The following GNG7 variants were observed in gnomAD, a reference collection of about 807,000 sequenced individuals.
GNG7 encodes the protein guanine nucleotide-binding protein G(I)/G(S)/G(O) subunit gamma-7.
A neutral mutation model predicts 4.0 loss-of-function variants in GNG7; 1 was observed. The observed-to-expected ratio is 0.25, with a 90% confidence interval of 0.09 to 1.18. The LOEUF is 1.18. Ranked by LOEUF, GNG7 falls within the 50% of genes most tolerant of loss-of-function variation. The probability of loss-of-function intolerance (pLI) is 0.50; values close to 1 mark genes in which losing one functional copy is unlikely to be tolerated. For synonymous variants in GNG7, 34 were observed against 36.9 expected, an observed-to-expected ratio of 0.92 and a Z score of 0.29; for missense variants, 86 against 91.9, an observed-to-expected ratio of 0.94 and a Z score of 0.26.
intron 1 of GNG7, among the ~76,000 whole-genome samples, chr19:2,654,161 C>T (rs1982901849): frequency 6.6e-6 from 1 of 152,060 alleles, no homozygotes; most frequent in South Asian, 2.1e-4. Context: ...GGGGCGGGGC[C>T]GGCTGGGGAG....
At chr19:2,544,158 A>C (rs986236956) in intron 3 of GNG7, among the ~76,000 whole-genome samples, 5 of 152,194 alleles carry the variant, frequency 3.3e-5, no homozygotes. Flanking sequence ...GTTCAGAGAC[A>C]AGAGAGACAG....
intron 2 of GNG7, among the ~76,000 whole-genome samples, chr19:2,601,931 GGAGGGGAGGAGAGGA>G (rs916890385): frequency 6.6e-5 from 10 of 152,032 alleles, no homozygotes; most frequent in South Asian, 2.1e-4. Flanking sequence ...ACAGGGGAGG[GGAGGGGAGGAGAGGA>G]GAGGGGAGGA....
chr19:2,641,480 G>C (rs1449039555), intron 2 of GNG7, among the ~76,000 whole-genome samples: 1 of 152,162 alleles, frequency 6.6e-6, no homozygotes, highest in East Asian at 1.9e-4. Flanking sequence ...GAGACTGGAA[G>C]AGGCTTCACT....
chr19:2,608,565 G>C (rs1473109331), intron 2 of GNG7, among the ~76,000 whole-genome samples: 3 of 152,208 alleles, frequency 2.0e-5, no homozygotes, highest in Non-Finnish European at 2.9e-5. Context: ...GCAGAGTCAC[G>C]AGACCAGCAA....
At chr19:2,684,046 C>T (rs1599461017) in intron 1 of GNG7, among the ~76,000 whole-genome samples, 1 of 151,680 alleles carries the variant, frequency 6.6e-6, no homozygotes, top group Non-Finnish European at 1.5e-5. Flanking sequence ...TGGGGCCGGG[C>T]GCGGTGGCTC....
Position 2,643,506 on chromosome 19 carries a change from C to T in GNG7, c.-78+2718G>A, listed in dbSNP as rs1982576111. On this transcript the variant is annotated intron_variant, in intron 2 of 4. Transcript: ENST00000382159. ...CGGAAATGCAAAGTCTGAGCCTCTC[C>T]GGGCTCTGCACACCTTCCGGCCCTG... 5 of 405,510 alleles carry T rather than the reference C, an allele frequency of 1.2e-5. No homozygotes were observed. In the Admixed American group the frequency reaches 1.6e-4, roughly 13 times the overall value. The allele number at this position is 405,510 out of a possible 1,614,324, so 25.1% of individuals were successfully genotyped here.
At chr19:2,659,154 A>T (rs1390891271) in intron 1 of GNG7, among the ~76,000 whole-genome samples, 1 of 151,892 alleles carries the variant, frequency 6.6e-6, no homozygotes, top group Non-Finnish European at 1.5e-5. Flanking sequence ...TATTTTTAGT[A>T]GAGACGAGGT....
chr19:2,686,318 T>C (rs1241508593), intron 1 of GNG7, among the ~76,000 whole-genome samples: 2 of 151,680 alleles, frequency 1.3e-5, no homozygotes, highest in South Asian at 2.1e-4. Flanking sequence ...CCACCACGCC[T>C]GGCTAATTCT....
intron 2 of GNG7, among the ~76,000 whole-genome samples, chr19:2,586,232 T>C (rs1243416503): frequency 1.3e-5 from 2 of 152,176 alleles, no homozygotes; most frequent in African/African-American, 4.8e-5. Flanking sequence ...AGCTCCCACC[T>C]TCCACTGCCC....
At chr19:2,559,577 G>T (rs1223964203) in intron 2 of GNG7, among the ~76,000 whole-genome samples, 1 of 151,634 alleles carries the variant, frequency 6.6e-6, no homozygotes, top group Non-Finnish European at 1.5e-5. Context: ...GTACAATGGT[G>T]GATGTCGGCT....
rs1231670391 is a variant in GNG7 at position 2,593,937 on chromosome 19, A to AAAAC, written c.-77-38750_-77-38749insGTTT. Among the ~76,000 whole-genome samples, 66 of 151,764 alleles carry AAAAC rather than the reference A, an allele frequency of 4.3e-4. 2 individuals are homozygous for AAAAC. The highest frequency in any genetic ancestry group is 1.5e-3 in the African/African-American group (63 of 41,398). ...CCGAAATATTTGATGCCAAAAAAAA[A>AAAAC]AAAAAACTTTCTTACCTCATTCACC... On this transcript the variant is annotated intron_variant, in intron 2 of 4. Coordinates refer to ENST00000382159, the MANE Select transcript of GNG7 (RefSeq NM_052847.3).
At position 2,633,656 on chromosome 19, in the gene GNG7, C is replaced by T. The variant is rs893965803; in HGVS notation, c.-78+12568G>A. Among the ~76,000 whole-genome samples the T allele has an allele frequency of 1.4e-4, 21 of 151,926 alleles. No homozygotes were observed. Among genetic ancestry groups the T allele is most frequent in the Admixed American group, 1.2e-3 (19 of 15,254 alleles). ...GGTGGTCGCAATAACAGCTCTGAAA[C>T]GGGGATTCATTGAGAGGACATCGGT... On this transcript the variant is annotated intron_variant, in intron 2 of 4. Coordinates refer to ENST00000382159, the MANE Select transcript of GNG7 (RefSeq NM_052847.3). This position sits in a 1 kb window ranked among gnomAD's most constrained non-coding sequence, Gnocchi z 5.9.
chr19:2,638,857 G>T (rs1335956169), intron 2 of GNG7, among the ~76,000 whole-genome samples: 1 of 152,112 alleles, frequency 6.6e-6, no homozygotes, highest in Non-Finnish European at 1.5e-5. Context: ...CATGCAATCG[G>T]AACAAAATAC....
chr19:2,627,358 G>T (rs1982046475), intron 2 of GNG7, among the ~76,000 whole-genome samples: 1 of 152,132 alleles, frequency 6.6e-6, no homozygotes, highest in Non-Finnish European at 1.5e-5. Context: ...CGGTAAGGGG[G>T]TGAACCCACC....
At chr19:2,556,372 C>G (rs1008446146) in intron 2 of GNG7, among the ~76,000 whole-genome samples, 2 of 152,204 alleles carry the variant, frequency 1.3e-5, no homozygotes, top group Admixed American at 6.5e-5. Context: ...CTGAGCTGCT[C>G]GAGGCCGGGC....
chr19:2,573,382 A>G (rs943005171), intron 2 of GNG7, among the ~76,000 whole-genome samples: 1 of 152,094 alleles, frequency 6.6e-6, no homozygotes, highest in Non-Finnish European at 1.5e-5. Context: ...CTCCCCAGCC[A>G]AGTTTCTGCA....
chr19:2,525,187 GC>G (rs1465455313), intron 3 of GNG7, among the ~76,000 whole-genome samples: 3 of 152,090 alleles, frequency 2.0e-5, no homozygotes, highest in African/African-American at 7.3e-5. Flanking sequence ...TTGCCTCGGG[GC>G]CCGTGGCCCG....
chr19:2,589,555 C>T (rs1980778542), intron 2 of GNG7, among the ~76,000 whole-genome samples: 1 of 151,804 alleles, frequency 6.6e-6, no homozygotes, highest in Admixed American at 6.6e-5. Context: ...TCGGAGTCTT[C>T]CACGTGTCTC....
rs974741270 is a variant in GNG7 at position 2,692,509 on chromosome 19, T to C, written c.-135+10137A>G. On this transcript the variant is annotated intron_variant, in intron 1 of 4. Coordinates refer to ENST00000382159, the MANE Select transcript of GNG7 (RefSeq NM_052847.3). ...AATCAGCCGGGTGTGGTGGCGGGCG[T>C]CTGTAGTCCCAGCTACTCGGGAGGC... is the stretch of plus-strand genomic sequence containing the variant. Among the ~76,000 whole-genome samples, 33 of 151,304 alleles carry C rather than the reference T, an allele frequency of 2.2e-4. 1 individual carries two copies. In the East Asian group the frequency reaches 3.7e-3, roughly 17 times the overall value.
Sources: allele counts gnomAD v4.1 joint callset (sites outside exome capture counted in the v4.1 genomes callset), GRCh38; gene constraint gnomAD v4.1.1; non-coding constraint Gnocchi (gnomAD v3.1); transcripts MANE v1.5; gene names NCBI Gene and HGNC (gene_info 2026-07-23, HGNC 2026-07-21).